The following CNTN6 variants were observed in gnomAD, a reference collection of about 807,000 sequenced individuals.
CNTN6 encodes the protein contactin 6.
A neutral mutation model predicts 122.8 loss-of-function variants in CNTN6; 137 were observed. The ratio of observed to expected loss-of-function variants is 1.12; its 90% confidence interval spans 0.97 to 1.29. The LOEUF (loss-of-function observed/expected upper bound fraction) is 1.29, where lower values mean the gene tolerates loss of function less well. CNTN6 is among the 50% of genes most tolerant of loss of function. The pLI is 0.00. For synonymous variants in CNTN6, 570 were observed against 426.0 expected, an observed-to-expected ratio of 1.34 and a Z score of -4.16; for missense variants, 1,634 against 1,223.4, an observed-to-expected ratio of 1.34 and a Z score of -5.01.
rs762172120 is a variant in CNTN6, at chr3:1,385,619, C to T, written c.2526C>T (p.Tyr842=). The T allele has an allele frequency of 6.2e-7, 1 of 1,612,256 alleles. No individual in the cohort carries two copies. Among genetic ancestry groups the T allele is most frequent in the African/African-American group, 1.3e-5 (1 of 74,940 alleles). Residue 842 remains tyrosine (Y), a synonymous_variant, in exon 20 of 23, where the codon TAC becomes TAT. Coordinates refer to ENST00000446702, the MANE Select transcript of CNTN6 (RefSeq NM_001289080.2). ...TGGTTTTTAATTATCAGGTCTTATA[C>T]TGGACAGATGACTCCAAAGAATCCA... ...TGRVLGYEVL[Y]WTDDSKESMI...
chr3:1,403,230 G>T, intron 22 of CNTN6, 88 bp from the exon 23 acceptor site: 1 of 722,558 alleles, frequency 1.4e-6, no homozygotes, highest in South Asian at 1.8e-5. Flanking sequence ...GAAGAGAAAT[G>T]ATAGTATGAA....
At chr3:1,295,840 C>A (rs1696136375) in intron 6 of CNTN6, 36 bp downstream of exon 6, 11 of 1,577,244 alleles carry the variant, frequency 7.0e-6, no homozygotes, top group Non-Finnish European at 9.6e-6. Context: ...TGTACTTTAT[C>A]TTTGGCCCTT....
rs773008021 is a variant in CNTN6 at position 1,373,960 on chromosome 3, C to T, written c.1982C>T (p.Thr661Ile). Reference protein sequence around the residue: ...EILNGKTYNATVVGLSPWVEY... With the variant: ...EILNGKTYNAIVVGLSPWVEY... ...CTCAATGGTAAGACATACAATGCAA[C>T]AGTGGTTGGTTTGAGTCCTTGGGTG... is the stretch of plus-strand genomic sequence containing the variant. The change falls in exon 16 of 23, where the codon ACA becomes ATA. Residue 661 changes from threonine to isoleucine, a missense_variant. By Grantham distance (89) the Thr-to-Ile change is moderately conservative. Transcript: ENST00000446702. 3 of 1,613,018 alleles carry T rather than the reference C, an allele frequency of 1.9e-6. No individual in the cohort carries two copies. Among genetic ancestry groups the T allele is most frequent in the South Asian group, 1.1e-5 (1 of 91,032 alleles).
intron 2 of CNTN6, among the ~76,000 whole-genome samples, chr3:1,185,531 A>G (rs192857569): frequency 3.9e-5 from 6 of 152,292 alleles, no homozygotes; most frequent in African/African-American, 1.4e-4. Context: ...GTTTGGTATA[A>G]AGGCCACTGA....
At chr3:1,390,189 A>T (rs1270969278) in intron 20 of CNTN6, among the ~76,000 whole-genome samples, 1 of 151,990 alleles carries the variant, frequency 6.6e-6, no homozygotes, top group African/African-American at 2.4e-5. Flanking sequence ...ATGTAAAAGG[A>T]CAGAGATTAT....
At chr3:1,171,081 C>G (rs1192738403) in intron 2 of CNTN6, among the ~76,000 whole-genome samples, 2 of 152,156 alleles carry the variant, frequency 1.3e-5, no homozygotes, top group South Asian at 2.1e-4. Context: ...AAATTGTGCT[C>G]ATAACTCTAT....
intron 7 of CNTN6, among the ~76,000 whole-genome samples, chr3:1,317,081 A>G (rs1700189776): frequency 6.6e-6 from 1 of 151,996 alleles, no homozygotes; most frequent in Non-Finnish European, 1.5e-5. Context: ...GCTGAAAAAA[A>G]TCTCAACATT....
chr3:1,345,415 C>G (rs895113417), intron 11 of CNTN6, among the ~76,000 whole-genome samples: 1 of 152,106 alleles, frequency 6.6e-6, no homozygotes, highest in Non-Finnish European at 1.5e-5. Flanking sequence ...CATGCCCAGC[C>G]ATACAATTAC....
chr3:1,319,763 A>C (rs1700584663), intron 7 of CNTN6, among the ~76,000 whole-genome samples: 1 of 151,284 alleles, frequency 6.6e-6, no homozygotes. Context: ...TTTCTCAGAA[A>C]ATTTTTATTA....
intron 4 of CNTN6, among the ~76,000 whole-genome samples, chr3:1,256,232 T>C (rs943576483): frequency 6.6e-6 from 1 of 152,286 alleles, no homozygotes; most frequent in African/African-American, 2.4e-5. Context: ...TTAAGAATTA[T>C]AATTTTCTAA....
chr3:1,173,209 T>C (rs2093390993), intron 2 of CNTN6: 4 of 456,458 alleles, frequency 8.8e-6, no homozygotes, highest in Admixed American at 7.0e-5. Context: ...CCTAGAAAAG[T>C]TTATATCAGT....
At chr3:1,311,973 T>C (rs1045032677) in intron 7 of CNTN6, among the ~76,000 whole-genome samples, 1 of 152,052 alleles carries the variant, frequency 6.6e-6, no homozygotes, top group Admixed American at 6.6e-5. Flanking sequence ...AATAATGTAA[T>C]GAATATTCTT....
At chr3:1,108,343 T>G (rs561679895) in intron 1 of CNTN6, among the ~76,000 whole-genome samples, 7 of 152,028 alleles carry the variant, frequency 4.6e-5, no homozygotes, top group Non-Finnish European at 1.0e-4. Context: ...AAAACAAAAT[T>G]CATTTGTATT....
intron 4 of CNTN6, among the ~76,000 whole-genome samples, chr3:1,236,232 A>G (rs1334789328): frequency 6.6e-6 from 1 of 151,714 alleles, no homozygotes; most frequent in Admixed American, 6.6e-5. Flanking sequence ...GTATAGGACC[A>G]CAGCTGATGC....
rs907361319 is a variant in CNTN6 at position 1,264,341 on chromosome 3, C to G, written c.359-14072C>G. ...ATAAATACATGAGTTAGTGAACAAA[C>G]TCTACATTTAAATTACTGTTATAGC... On this transcript the variant is annotated intron_variant, in intron 4 of 22. Transcript: ENST00000446702. 5.3e-5 allele frequency among the ~76,000 whole-genome samples: 8 copies of G among 152,196 alleles called. No individual in the cohort carries two copies. In the South Asian group the frequency reaches 1.2e-3, roughly 24 times the overall value.
At chr3:1,160,679 A>G (rs2093112076) in intron 2 of CNTN6, among the ~76,000 whole-genome samples, 1 of 150,844 alleles carries the variant, frequency 6.6e-6, no homozygotes, top group South Asian at 2.1e-4. Context: ...AAAAAAAAAG[A>G]AAAATTAATT....
intron 12 of CNTN6, among the ~76,000 whole-genome samples, chr3:1,368,249 G>T (rs1448158266): frequency 6.6e-6 from 1 of 152,100 alleles, no homozygotes; most frequent in Non-Finnish European, 1.5e-5. Flanking sequence ...TCAATTTCTT[G>T]TACAACCTCC....
intron 11 of CNTN6, among the ~76,000 whole-genome samples, chr3:1,342,449 C>T (rs1309185877): frequency 3.9e-5 from 6 of 152,134 alleles, no homozygotes; most frequent in African/African-American, 1.4e-4. Context: ...TTTATAAGCA[C>T]TTGCTTTCCA....
chr3:1,317,203 A>G (rs1318251766), intron 7 of CNTN6, among the ~76,000 whole-genome samples: 1 of 151,806 alleles, frequency 6.6e-6, no homozygotes, highest in African/African-American at 2.4e-5. Flanking sequence ...TCTTATTTAA[A>G]AGGTTTTTAT....
Sources: gnomAD v4.1 joint callset for allele counts (sites outside exome capture counted in the v4.1 genomes callset) on GRCh38, gnomAD v4.1.1 for gene constraint, MANE v1.5 for transcripts, NCBI Gene and HGNC (gene_info 2026-07-23, HGNC 2026-07-21) for gene names.